Variants in DOCK10 observed in about 807,000 individuals in gnomAD.
DOCK10 encodes dedicator of cytokinesis 10, also known as dedicator of cytokinesis protein 10.
In DOCK10, 145 loss-of-function variants were observed where a neutral mutation model predicts 280.1. The ratio of observed to expected loss-of-function variants is 0.52; its 90% CI spans 0.45 to 0.59. The LOEUF (loss-of-function observed/expected upper bound fraction) is 0.59. Ranked by LOEUF, DOCK10 falls within the 20% of genes least tolerant of loss-of-function variation. DOCK10 has a pLI of 0.00. For missense variants in DOCK10, 2,368 were observed against 2,651.7 expected (o/e 0.89, Z 2.35); for synonymous variants, 915 against 942.2 (o/e 0.97, Z 0.53).
chr2:224,968,569 C>T (rs1575129556), intron 1 of DOCK10, among the ~76,000 whole-genome samples: 2 of 152,264 alleles, frequency 1.3e-5, no homozygotes, highest in South Asian at 2.1e-4. Context: ...AGAAGGTGAG[C>T]GATCAAATGA....
At chr2:225,018,470 A>G (rs1050724355) in intron 1 of DOCK10, among the ~76,000 whole-genome samples, 1 of 145,384 alleles carries the variant, frequency 6.9e-6, no homozygotes, top group Non-Finnish European at 1.5e-5. Context: ...CTAGGCCTTT[A>G]TAAGATACCA....
intron 1 of DOCK10, among the ~76,000 whole-genome samples, chr2:225,003,309 G>A (rs1367775019): frequency 6.6e-6 from 1 of 152,160 alleles, no homozygotes; most frequent in Non-Finnish European, 1.5e-5. Flanking sequence ...TTCTCAAAGT[G>A]CTGGGATTAC....
intron 11 of DOCK10, among the ~76,000 whole-genome samples, chr2:224,872,973 A>G (rs923830406): frequency 1.1e-4 from 17 of 152,222 alleles, no homozygotes; most frequent in Admixed American, 1.0e-3. Context: ...AATAACGTTT[A>G]TGCTCATAAA....
chr2:224,940,196 T>C (rs1483411269), intron 1 of DOCK10, among the ~76,000 whole-genome samples: 3 of 152,192 alleles, frequency 2.0e-5, no homozygotes, highest in Admixed American at 6.5e-5. Flanking sequence ...CCCACAAGAC[T>C]TTCCATTAGT....
At chr2:224,946,928 A>G (rs1703453974) in intron 1 of DOCK10, 5 of 1,542,602 alleles carry the variant, frequency 3.2e-6, no homozygotes, top group Non-Finnish European at 1.7e-6. Flanking sequence ...GCTCCCGTTT[A>G]AAAACCTTCC....
At position 224,818,304 on chromosome 2, in the gene DOCK10, C is replaced by T. The variant is rs190658361; in HGVS notation, c.3267+1142G>A. ...ACACTCTATGATAGTCACACAGTGACGAAATTGCCTAACAATGCTTTTCTC... is the reference window on the plus strand; with the variant it reads ...ACACTCTATGATAGTCACACAGTGATGAAATTGCCTAACAATGCTTTTCTC... On this transcript the variant is annotated intron_variant, in intron 29 of 55. Transcript: ENST00000258390. Among the ~76,000 whole-genome samples the T allele has an allele frequency of 2.1e-3, 323 of 151,918 alleles. 1 individual carries two copies. The highest frequency in any genetic ancestry group is 4.0e-3 in the Non-Finnish European group (269 of 67,994).
chr2:225,025,300 TC>T (rs1331827970), intron 1 of DOCK10, among the ~76,000 whole-genome samples: 1 of 152,132 alleles, frequency 6.6e-6, no homozygotes, highest in Non-Finnish European at 1.5e-5. Context: ...TTGAAGGTGG[TC>T]CCTGGGCCTT....
At position 224,801,917 on chromosome 2, in the gene DOCK10, G is replaced by A; in HGVS notation, c.4392C>T (p.Thr1464=). The change falls in exon 40 of 56, where the codon ACC becomes ACT. Residue 1464 remains threonine (T), a splice_region_variant and synonymous_variant. Transcript: ENST00000258390. ...KLLQMLDNTM[T]SNSNEIDIVH... is the part of the protein sequence containing the mutation. ...TTCCTATTATTTCAGTTTACTTACT[G>A]GTCATGGTATTGTCTAACATCTGTA... 6.2e-7 allele frequency: 1 copy of A among 1,612,532 alleles called. No homozygotes were observed. The highest frequency in any genetic ancestry group is 8.5e-7 in the Non-Finnish European group (1 of 1,179,010).
chr2:224,995,751 G>C lies in DOCK10; in HGVS notation c.123+46501C>G, dbSNP rs139589044. Among the ~76,000 whole-genome samples the C allele has an allele frequency of 2.9e-3, 442 of 152,340 alleles. 4 individuals carry two copies. The highest frequency in any genetic ancestry group is 0.01 in the African/African-American group (423 of 41,580). ...TTCCCTTGTTTTCAGGATGTGGAAA[G>C]TGATAGCTGCATTTTTAACTTTTTG... On this transcript the variant is annotated intron_variant, in intron 1 of 55. Transcript: ENST00000258390.
intron 2 of DOCK10, among the ~76,000 whole-genome samples, chr2:224,917,101 C>CTTTTTTTTTTTTTTTTTTTTTTTTTTTT (rs58223345): frequency 2.1e-5 from 2 of 95,780 alleles, no homozygotes; most frequent in African/African-American, 4.5e-5. Context: ...CTATTGGAAT[C>CTTTTTTTTTTTTTTTTTTTTTTTTTTTT]TTTTTTTTTT....
At chr2:224,816,893 T>A (rs1002934248) in intron 29 of DOCK10, among the ~76,000 whole-genome samples, 180 bp from the exon 30 acceptor site, 1 of 152,202 alleles carries the variant, frequency 6.6e-6, no homozygotes, top group Non-Finnish European at 1.5e-5. Flanking sequence ...GCAGTTAAGC[T>A]CCCTACTTTT....
At chr2:224,969,723 G>A (rs1704978727) in intron 1 of DOCK10, among the ~76,000 whole-genome samples, 1 of 152,184 alleles carries the variant, frequency 6.6e-6, no homozygotes. Flanking sequence ...GGGCAAAAAT[G>A]AGACAAAATA....
At position 224,799,451 on chromosome 2, in the gene DOCK10, TTAAAA is replaced by T. The variant is rs549164796; in HGVS notation, c.4506+695_4506+699del. Among the ~76,000 whole-genome samples, 51 of 152,384 alleles carry T rather than the reference TTAAAA, an allele frequency of 3.3e-4. 1 individual carries two copies. The South Asian group carries it at 8.5e-3, about 25-fold the overall frequency. ...TTGTTTGTAGTTTCTTTTTTTGCTATTAAAATAAAGCTGTCATGCATATTTGTGTA... is the reference window on the plus strand; with the variant it reads ...TTGTTTGTAGTTTCTTTTTTTGCTATTAAAGCTGTCATGCATATTTGTGTA... On this transcript the variant is annotated intron_variant, in intron 41 of 55. Transcript: ENST00000258390.
At chr2:224,977,554 G>A (rs1480223374) in intron 1 of DOCK10, among the ~76,000 whole-genome samples, 2 of 152,086 alleles carry the variant, frequency 1.3e-5, no homozygotes, top group Non-Finnish European at 2.9e-5. Context: ...AGAACTTTAA[G>A]AAAATATGCT....
chr2:225,006,295 T>C (rs1299016016), intron 1 of DOCK10, among the ~76,000 whole-genome samples: 1 of 152,164 alleles, frequency 6.6e-6, no homozygotes, highest in Non-Finnish European at 1.5e-5. Context: ...GCTTACACAT[T>C]TACTTATATC....
intron 1 of DOCK10, among the ~76,000 whole-genome samples, chr2:224,961,425 T>TCTTTCTTTCTTTCTTA (rs1704403766): frequency 1.7e-5 from 2 of 119,296 alleles, no homozygotes; most frequent in African/African-American, 6.0e-5. Flanking sequence ...TTTCTTTCTT[T>TCTTTCTTTCTTTCTTA]CTTTCTTTCT....
At chr2:224,827,916 C>T (rs1406804726) in intron 27 of DOCK10, among the ~76,000 whole-genome samples, 1 of 152,192 alleles carries the variant, frequency 6.6e-6, no homozygotes, top group Non-Finnish European at 1.5e-5. Flanking sequence ...GGATGAGGAC[C>T]TCTGGATGGA....
At chr2:224,876,280 G>T in intron 7 of DOCK10, 59 bp from the exon 8 acceptor site, 1 of 1,416,856 alleles carries the variant, frequency 7.1e-7, no homozygotes, top group South Asian at 1.4e-5. Context: ...CTTCGAGAGA[G>T]AGATCATTTA....
At chr2:224,973,896 A>T (rs1705241289) in intron 1 of DOCK10, among the ~76,000 whole-genome samples, 1 of 152,178 alleles carries the variant, frequency 6.6e-6, no homozygotes. Context: ...CAGGGCTGGC[A>T]TGTGGCATTT....
Sources: allele counts gnomAD v4.1 joint callset (sites outside exome capture counted in the v4.1 genomes callset), GRCh38; gene constraint gnomAD v4.1.1; transcripts MANE v1.5; gene names NCBI Gene and HGNC (gene_info 2026-07-23, HGNC 2026-07-21).